Variants in NBAS observed in about 807,000 individuals in gnomAD.
NBAS encodes NBAS subunit of NRZ tethering complex.
In NBAS, 219 loss-of-function variants were observed where a neutral mutation model predicts 302.5. The ratio of observed to expected loss-of-function variants is 0.72; its 90% CI spans 0.65 to 0.81. NBAS has a LOEUF of 0.81. NBAS is among the 30% of genes least tolerant of loss of function. The pLI is 0.00. For synonymous variants in NBAS, 1,118 were observed against 1,021.6 expected, an observed-to-expected ratio of 1.09 and a Z score of -1.80; for missense variants, 2,932 against 2,841.6, an observed-to-expected ratio of 1.03 and a Z score of -0.72.
chr2:15,311,888 C>G (rs1413344103), intron 38 of NBAS, among the ~76,000 whole-genome samples: 1 of 152,142 alleles, frequency 6.6e-6, no homozygotes, highest in Non-Finnish European at 1.5e-5. Flanking sequence ...TGACAACTTC[C>G]ACAGTCCCCT....
the NBAS span, among the ~76,000 whole-genome samples, chr2:15,034,500 A>C: frequency 1.3e-5 from 2 of 152,268 alleles, no homozygotes; most frequent in East Asian, 3.9e-4. Context: ...GTTTTTAAGC[A>C]ACACAGCCGG....
chr2:15,511,581 G>A (rs1255610018), intron 9 of NBAS, among the ~76,000 whole-genome samples: 1 of 152,164 alleles, frequency 6.6e-6, no homozygotes, highest in Non-Finnish European at 1.5e-5. Flanking sequence ...CTGAAATGCA[G>A]GTGGGAACTT....
chr2:14,839,331 G>C, the NBAS span, among the ~76,000 whole-genome samples: 1 of 152,040 alleles, frequency 6.6e-6, no homozygotes, highest in Admixed American at 6.6e-5. Context: ...GAAAATGTGA[G>C]AGCAAGTGGA....
chr2:14,992,023 G>C, the NBAS span, among the ~76,000 whole-genome samples: 1 of 152,120 alleles, frequency 6.6e-6, no homozygotes, highest in East Asian at 1.9e-4. Flanking sequence ...ATCAGGGAAG[G>C]CTTTCTGAAG....
In NBAS at chr2:15,394,231, G is replaced by A. The variant is rs768230462; in HGVS notation, c.3253C>T (p.Arg1085Trp). 32 of 1,605,378 alleles carry A rather than the reference G, an allele frequency of 2.0e-5. No individual in the cohort carries two copies. Among genetic ancestry groups the A allele is most frequent in the Middle Eastern group, 1.6e-4 (1 of 6,074 alleles). ...TCAATTAATTTTATTACTCACTTCC[G>A]GCCAGTGTGCCTCGTCAATCTAACC... is the stretch of plus-strand genomic sequence containing the variant. ...LMVRLTRHTGRKQPPVSESHW... is the reference protein window; with the variant it reads ...LMVRLTRHTGWKQPPVSESHW... Residue 1085 changes from arginine (R) to tryptophan (W), a missense_variant, in exon 28 of 52, where the codon CGG becomes TGG. Physicochemically the swap from Arg to Trp is moderately radical, Grantham distance 101. Coordinates refer to ENST00000281513, the MANE Select transcript of NBAS (RefSeq NM_015909.4).
chr2:14,954,755 C>G, the NBAS span, among the ~76,000 whole-genome samples: 1 of 152,122 alleles, frequency 6.6e-6, no homozygotes, highest in Non-Finnish European at 1.5e-5. Flanking sequence ...CATGAGAACT[C>G]ACTCACTATC....
In NBAS at chr2:15,332,657, A is replaced by C. The variant is rs561392181; in HGVS notation, c.4180-1892T>G. On this transcript the variant is annotated intron_variant, in intron 35 of 51. Coordinates refer to ENST00000281513, the MANE Select transcript of NBAS (RefSeq NM_015909.4). ...ATTATGAAAAAAACAACATATAAAAATGAATGACATATAAATAAAGAAAAA... is the reference window on the plus strand; with the variant it reads ...ATTATGAAAAAAACAACATATAAAACTGAATGACATATAAATAAAGAAAAA... Among the ~76,000 whole-genome samples the C allele has an allele frequency of 3.4e-4, 52 of 152,288 alleles. 1 individual carries two copies. Among genetic ancestry groups the C allele is most frequent in the Admixed American group, 1.1e-3 (17 of 15,300 alleles).
the NBAS span, among the ~76,000 whole-genome samples, chr2:15,116,703 C>T: frequency 6.6e-6 from 1 of 152,206 alleles, no homozygotes; most frequent in Admixed American, 6.5e-5. Context: ...AGCACTTTCA[C>T]ACTCAAATTT....
At chr2:15,458,163 G>T (rs1679334801) in intron 21 of NBAS, among the ~76,000 whole-genome samples, 1 of 152,094 alleles carries the variant, frequency 6.6e-6, no homozygotes, top group Non-Finnish European at 1.5e-5. Flanking sequence ...GAGGGAAAAA[G>T]GCAGAAATAA....
the NBAS span, among the ~76,000 whole-genome samples, chr2:15,068,354 C>T: frequency 5.3e-5 from 8 of 152,090 alleles, no homozygotes; most frequent in Admixed American, 2.0e-4. Flanking sequence ...AAGAAGGCAT[C>T]CAACGTAGGA....
chr2:15,211,155 T>C (rs1037522821), intron 48 of NBAS, among the ~76,000 whole-genome samples: 5 of 152,204 alleles, frequency 3.3e-5, no homozygotes, highest in African/African-American at 4.8e-5. Flanking sequence ...AAAGGATAAA[T>C]GCTTGAGGTG....
the NBAS span, among the ~76,000 whole-genome samples, chr2:15,120,531 TA>T: frequency 2.6e-5 from 4 of 151,062 alleles, no homozygotes; most frequent in Non-Finnish European, 4.4e-5. Flanking sequence ...AAAAAAAAAG[TA>T]AGATTCAGCA....
chr2:15,292,458 A>G (rs777288845), intron 41 of NBAS, 79 bp downstream of exon 41: 19 of 1,439,298 alleles, frequency 1.3e-5, no homozygotes, highest in Non-Finnish European at 1.8e-5. Context: ...CAAAGGACTG[A>G]AATTAATAGT....
chr2:14,935,597 C>G, the NBAS span, among the ~76,000 whole-genome samples: 1 of 152,008 alleles, frequency 6.6e-6, no homozygotes, highest in Non-Finnish European at 1.5e-5. Flanking sequence ...TTTTCCTTGA[C>G]AGTTGTGTAA....
the NBAS span, among the ~76,000 whole-genome samples, chr2:15,089,580 G>A: frequency 6.6e-6 from 1 of 152,192 alleles, no homozygotes; most frequent in East Asian, 1.9e-4. Context: ...GGCGGGGAGG[G>A]ACCCAGTACA....
intron 23 of NBAS, 97 bp from the exon 24 acceptor site, chr2:15,417,809 A>G: frequency 8.1e-7 from 1 of 1,228,442 alleles, no homozygotes; most frequent in Non-Finnish European, 1.1e-6. Flanking sequence ...TCTTATAATC[A>G]TTTTTTATAA....
At chr2:14,961,999 C>T in the NBAS span, among the ~76,000 whole-genome samples, 5 of 152,162 alleles carry the variant, frequency 3.3e-5, no homozygotes, top group African/African-American at 4.8e-5. Flanking sequence ...GTCTCGAACT[C>T]CTGACCTCAA....
the NBAS span, among the ~76,000 whole-genome samples, chr2:14,892,602 G>A: frequency 8.6e-5 from 13 of 151,476 alleles, no homozygotes; most frequent in African/African-American, 2.2e-4. Context: ...TAACTTAGTC[G>A]TATTTAGGAA....
intron 9 of NBAS, among the ~76,000 whole-genome samples, chr2:15,521,560 T>C (rs1429786232): frequency 6.6e-6 from 1 of 152,214 alleles, no homozygotes; most frequent in African/African-American, 2.4e-5. Flanking sequence ...CATTCTAGTG[T>C]ATTAGTATTG....
Sources: gnomAD v4.1 joint callset for allele counts (sites outside exome capture counted in the v4.1 genomes callset) on GRCh38, gnomAD v4.1.1 for gene constraint, MANE v1.5 for transcripts, NCBI Gene and HGNC (gene_info 2026-07-23, HGNC 2026-07-21) for gene names.